The following STPG2 variants were observed in gnomAD, a reference collection of about 807,000 sequenced individuals.
The protein encoded by STPG2 is sperm-tail PG-rich repeat-containing protein 2.
A neutral mutation model predicts 54.2 loss-of-function variants in STPG2; 56 were observed. The ratio of observed to expected loss-of-function variants is 1.03; its 90% CI spans 0.83 to 1.29. STPG2 has a LOEUF of 1.29. Among genes scored for constraint, STPG2 ranks in the 50% most tolerant of loss-of-function variants. The pLI is 0.00. For synonymous variants in STPG2, 200 were observed against 181.8 expected (o/e 1.10, Z -0.81); for missense variants, 596 against 544.9 (o/e 1.09, Z -0.93).
chr4:97,501,506 G>A (rs568077132), intron 4 of STPG2, among the ~76,000 whole-genome samples: 1 of 151,966 alleles, frequency 6.6e-6, no homozygotes, highest in South Asian at 2.1e-4. Context: ...GCTTAACATG[G>A]TGAGACCACA....
chr4:97,806,867 T>C (rs1278137325), intron 9 of STPG2, among the ~76,000 whole-genome samples: 1 of 152,150 alleles, frequency 6.6e-6, no homozygotes, highest in African/African-American at 2.4e-5. Flanking sequence ...CAAAGATTGC[T>C]GCCTCAAAAC....
chr4:97,991,380 T>C (rs1156439568), intron 5 of STPG2, among the ~76,000 whole-genome samples: 1 of 150,906 alleles, frequency 6.6e-6, no homozygotes, highest in Non-Finnish European at 1.5e-5. Context: ...TATATATGTA[T>C]ATATATGTGT....
At chr4:97,602,136 C>CA (rs1204432592) in intron 10 of STPG2, among the ~76,000 whole-genome samples, 1 of 151,778 alleles carries the variant, frequency 6.6e-6, no homozygotes, top group African/African-American at 2.4e-5. Context: ...ATTATTTGCC[C>CA]ATAGATTATT....
intron 7 of STPG2, among the ~76,000 whole-genome samples, chr4:97,959,196 A>G (rs1023195153): frequency 2.6e-5 from 4 of 152,158 alleles, no homozygotes; most frequent in Non-Finnish European, 5.9e-5. Context: ...ACAATCTAAC[A>G]ATACCTTTGG....
At chr4:98,095,017 A>G (rs1396826061) in intron 5 of STPG2, among the ~76,000 whole-genome samples, 1 of 152,166 alleles carries the variant, frequency 6.6e-6, no homozygotes, top group African/African-American at 2.4e-5. Context: ...ATAAGGAAAA[A>G]CAACAAAAAG....
chr4:97,632,525 T>C, intron 10 of STPG2, among the ~76,000 whole-genome samples: 1 of 152,130 alleles, frequency 6.6e-6, no homozygotes, highest in East Asian at 1.9e-4. Flanking sequence ...AAATACCTTT[T>C]TTTATAATCC....
chr4:97,819,999 G>T (rs2149103809), intron 9 of STPG2, among the ~76,000 whole-genome samples: 1 of 151,738 alleles, frequency 6.6e-6, no homozygotes, highest in East Asian at 1.9e-4. Context: ...GAAGGTTTGT[G>T]GCAACCCTGC....
At chr4:97,578,036 G>A (rs978538252) in intron 10 of STPG2, among the ~76,000 whole-genome samples, 9 of 151,334 alleles carry the variant, frequency 5.9e-5, no homozygotes, top group Admixed American at 2.0e-4. Flanking sequence ...AATATAACAC[G>A]CCTCCTGTTA....
At chr4:98,006,485 C>T (rs1735578449) in intron 5 of STPG2, among the ~76,000 whole-genome samples, 3 of 152,198 alleles carry the variant, frequency 2.0e-5, no homozygotes, top group Admixed American at 2.0e-4. Context: ...CATTCTCAAT[C>T]CAGCCTCATA....
intron 9 of STPG2, among the ~76,000 whole-genome samples, chr4:97,753,585 T>A (rs762888273): frequency 2.6e-5 from 4 of 152,068 alleles, no homozygotes; most frequent in Non-Finnish European, 2.9e-5. Context: ...AGCCTAGGAA[T>A]GGAATTGCTG....
intron 8 of STPG2, among the ~76,000 whole-genome samples, chr4:97,878,659 C>T (rs376632306): frequency 6.6e-6 from 1 of 152,122 alleles, no homozygotes; most frequent in Non-Finnish European, 1.5e-5. Context: ...GCCCATGAAA[C>T]CATTATTTCC....
intron 4 of STPG2, among the ~76,000 whole-genome samples, chr4:97,464,237 C>G (rs1729736412): frequency 6.6e-6 from 1 of 152,106 alleles, no homozygotes; most frequent in African/African-American, 2.4e-5. Context: ...TGCAATACAA[C>G]AGTAAAAAAT....
intron 8 of STPG2, among the ~76,000 whole-genome samples, chr4:97,862,850 C>G (rs1729607166): frequency 6.6e-6 from 1 of 152,010 alleles, no homozygotes; most frequent in South Asian, 2.1e-4. Context: ...ATGACTACCG[C>G]ATACGTAACG....
intron 8 of STPG2, among the ~76,000 whole-genome samples, chr4:97,920,177 C>G (rs2149208517): frequency 6.6e-6 from 1 of 152,292 alleles, no homozygotes; most frequent in Non-Finnish European, 1.5e-5. Flanking sequence ...GGCTTTGTAT[C>G]AGACATCAAT....
intron 1 of STPG2, among the ~76,000 whole-genome samples, chr4:98,134,890 G>T (rs1421942646): frequency 6.6e-6 from 1 of 151,570 alleles, no homozygotes; most frequent in East Asian, 1.9e-4. Context: ...ATTTAAAGTG[G>T]GTTTACAGCA....
chr4:97,495,249 A>T (rs569682918), intron 4 of STPG2, among the ~76,000 whole-genome samples: 3 of 151,482 alleles, frequency 2.0e-5, no homozygotes, highest in South Asian at 2.1e-4. Context: ...TATTCCTAGT[A>T]GTTTATCCCT....
At chr4:97,824,301 T>C (rs1273897371) in intron 9 of STPG2, among the ~76,000 whole-genome samples, 2 of 152,036 alleles carry the variant, frequency 1.3e-5, no homozygotes, top group Non-Finnish European at 2.9e-5. Context: ...CCTTTCTCTC[T>C]CTCTCATAAA....
chr4:97,844,376 T>A (rs74694250), intron 8 of STPG2, among the ~76,000 whole-genome samples: 1,922 of 152,116 alleles, frequency 0.013, 32 homozygotes, highest in African/African-American at 0.044. Flanking sequence ...AATTTTCCTT[T>A]ACCATGCAAT....
chr4:97,844,398 C>T (rs1001127256), intron 8 of STPG2, among the ~76,000 whole-genome samples: 14 of 151,910 alleles, frequency 9.2e-5, no homozygotes, highest in Admixed American at 6.6e-4. Context: ...GTAAAAGATC[C>T]AGACATATTT....
Sources: allele counts gnomAD v4.1 joint callset (sites outside exome capture counted in the v4.1 genomes callset), GRCh38; gene constraint gnomAD v4.1.1; transcripts MANE v1.5; gene names NCBI Gene and HGNC (gene_info 2026-07-23, HGNC 2026-07-21).